Variants in KIF16B observed in about 807,000 individuals in gnomAD.
KIF16B encodes kinesin family member 16B.
KIF16B carries 98 observed loss-of-function variants against 156.3 expected under a neutral mutation model. The observed-to-expected ratio is 0.63, with a 90% confidence interval of 0.53 to 0.74. The LOEUF is 0.74. KIF16B is among the 30% of genes least tolerant of loss of function. The probability of loss-of-function intolerance (pLI) is 0.00; values close to 1 mark genes in which losing one functional copy is unlikely to be tolerated. For synonymous variants in KIF16B, 564 were observed against 583.7 expected (o/e 0.97, Z 0.49); for missense variants, 1,421 against 1,606.5 (o/e 0.88, Z 1.97).
At chr20:16,344,495 T>C (rs2144883) in intron 23 of KIF16B, among the ~76,000 whole-genome samples, 108,421 of 151,994 alleles carry the variant, frequency 0.71, 39,518 homozygotes, top group East Asian at 0.96. Context: ...TCCTTTCTCT[T>C]GGATCAATTA....
At chr20:16,358,176 G>A (rs559336045) in intron 22 of KIF16B, among the ~76,000 whole-genome samples, 5 of 152,170 alleles carry the variant, frequency 3.3e-5, no homozygotes, top group Admixed American at 6.5e-5. Flanking sequence ...GCGACAGAGC[G>A]AGACTCCATC....
At chr20:16,419,073 G>A (rs1447769471) in intron 15 of KIF16B, among the ~76,000 whole-genome samples, 1 of 152,136 alleles carries the variant, frequency 6.6e-6, no homozygotes, top group Non-Finnish European at 1.5e-5. Flanking sequence ...AGTAGGTCTA[G>A]GTGGAGCCTG....
chr20:16,452,841 A>T (rs1358434305), intron 12 of KIF16B, among the ~76,000 whole-genome samples: 1 of 152,084 alleles, frequency 6.6e-6, no homozygotes, highest in Non-Finnish European at 1.5e-5. Context: ...TCTCAAAAAA[A>T]AAAAAGAAAG....
intron 16 of KIF16B, among the ~76,000 whole-genome samples, chr20:16,405,430 A>G (rs1341935755): frequency 6.6e-6 from 1 of 152,194 alleles, no homozygotes; most frequent in Non-Finnish European, 1.5e-5. Context: ...ACCCTGGGCT[A>G]GAGCAGATAA....
chr20:16,359,013 C>G (rs1331264814), intron 22 of KIF16B, among the ~76,000 whole-genome samples: 1 of 152,210 alleles, frequency 6.6e-6, no homozygotes, highest in Non-Finnish European at 1.5e-5. Flanking sequence ...CTCAACTGCA[C>G]ATGTTTGGAA....
intron 25 of KIF16B, among the ~76,000 whole-genome samples, chr20:16,276,368 T>C (rs1196647325): frequency 6.6e-6 from 1 of 152,214 alleles, no homozygotes; most frequent in African/African-American, 2.4e-5. Context: ...ACAATACAAC[T>C]GTCAGGTAAT....
chr20:16,324,814 C>T (rs764149014), intron 24 of KIF16B, among the ~76,000 whole-genome samples: 3 of 151,972 alleles, frequency 2.0e-5, no homozygotes, highest in Non-Finnish European at 2.9e-5. Context: ...CAGTATCACC[C>T]TAATACCAAA....
intron 12 of KIF16B, among the ~76,000 whole-genome samples, chr20:16,461,528 T>C (rs932404782): frequency 6.6e-5 from 10 of 152,264 alleles, no homozygotes; most frequent in African/African-American, 1.9e-4. Context: ...TAATTTATAA[T>C]TTATACATTA....
intron 15 of KIF16B, among the ~76,000 whole-genome samples, chr20:16,416,364 T>C (rs920665718): frequency 1.3e-5 from 2 of 152,196 alleles, no homozygotes; most frequent in African/African-American, 4.8e-5. Flanking sequence ...AAGTCTTTAA[T>C]CCATCTTGAG....
intron 15 of KIF16B, among the ~76,000 whole-genome samples, chr20:16,418,147 T>C (rs1484318417): frequency 6.8e-6 from 1 of 147,590 alleles, no homozygotes; most frequent in Non-Finnish European, 1.5e-5. Context: ...AGAAGAGAGA[T>C]CAAGAAAAAT....
At chr20:16,428,503 CAT>C (rs1437595957) in intron 14 of KIF16B, among the ~76,000 whole-genome samples, 1 of 152,194 alleles carries the variant, frequency 6.6e-6, no homozygotes, top group African/African-American at 2.4e-5. Flanking sequence ...CATGCTTCCA[CAT>C]GTGTGTATGC....
At chr20:16,383,593 A>G (rs1235224464) in intron 17 of KIF16B, among the ~76,000 whole-genome samples, 1 of 152,232 alleles carries the variant, frequency 6.6e-6, no homozygotes, top group Non-Finnish European at 1.5e-5. Context: ...CTAGGACTTC[A>G]TTAAAATTAA....
rs567583113 is a variant in KIF16B, at chr20:16,385,789, C to T, written c.1785-4042G>A. ...TGACACTCACCAAAGCTAACAACCA[C>T]GGGGGACTCACTCCATACCTGGCAC... is the stretch of plus-strand genomic sequence containing the variant. On this transcript the variant is annotated intron_variant, in intron 17 of 25. Coordinates refer to ENST00000354981, the MANE Select transcript of KIF16B (RefSeq NM_024704.5). Among the ~76,000 whole-genome samples the T allele has an allele frequency of 6.8e-4, 103 of 152,216 alleles. 1 individual carries two copies. Among genetic ancestry groups the T allele is most frequent in the African/African-American group, 1.8e-3 (76 of 41,538 alleles).
At chr20:16,534,318 A>G (rs2069874054) in intron 1 of KIF16B, among the ~76,000 whole-genome samples, 1 of 152,204 alleles carries the variant, frequency 6.6e-6, no homozygotes, top group Non-Finnish European at 1.5e-5. Context: ...ACTGGCTAGA[A>G]TTTCAGCCAT....
chr20:16,367,136 A>G, intron 22 of KIF16B: 1 of 1,552,270 alleles, frequency 6.4e-7, no homozygotes, highest in Non-Finnish European at 8.7e-7. Flanking sequence ...CATCTTTAAA[A>G]GTCTCCTCCT....
At chr20:16,378,682 T>A in intron 19 of KIF16B, 123 bp downstream of exon 19, 1 of 1,032,996 alleles carries the variant, frequency 9.7e-7, no homozygotes. Context: ...GCCTATGTAT[T>A]AAAGAATATG....
chr20:16,385,344 A>T (rs938824497), intron 17 of KIF16B, among the ~76,000 whole-genome samples: 1 of 152,138 alleles, frequency 6.6e-6, no homozygotes, highest in African/African-American at 2.4e-5. Context: ...AACTGGTGGC[A>T]TTTTGGTAGG....
chr20:16,507,003 G>A lies in KIF16B; in HGVS notation c.700-813C>T, dbSNP rs12479901. 5.3e-3 allele frequency among the ~76,000 whole-genome samples: 801 copies of A among 151,650 alleles called. 15 individuals are homozygous for A. Among genetic ancestry groups the A allele is most frequent in the Admixed American group, 0.038 (574 of 15,200 alleles). On this transcript the variant is annotated intron_variant, in intron 7 of 25. Coordinates refer to ENST00000354981, the MANE Select transcript of KIF16B (RefSeq NM_024704.5). ...TGCAGTCCCAGCTCCCTGGAAGGCT[G>A]AGGTGGGAGATCACTTGAGCCCAGA...
chr20:16,423,741 C>T (rs931945015), intron 15 of KIF16B, among the ~76,000 whole-genome samples: 15 of 152,140 alleles, frequency 9.9e-5, no homozygotes, highest in African/African-American at 3.6e-4. Context: ...CTGTACCAGC[C>T]TCTGCTGCCT....
Sources: allele counts gnomAD v4.1 joint callset (sites outside exome capture counted in the v4.1 genomes callset), GRCh38; gene constraint gnomAD v4.1.1; transcripts MANE v1.5; gene names NCBI Gene and HGNC (gene_info 2026-07-23, HGNC 2026-07-21).